Variants in GLP2R observed in about 807,000 individuals in gnomAD.
GLP2R encodes the protein glucagon-like peptide 2 receptor.
In GLP2R, 59 loss-of-function variants were observed where a neutral mutation model predicts 68.2. The observed-to-expected ratio is 0.87, with a 90% confidence interval of 0.70 to 1.07. The LOEUF is 1.07. Among genes scored for constraint, GLP2R ranks in the 50% least tolerant of loss-of-function variants. The pLI is 0.00. For missense variants in GLP2R, 548 were observed against 677.4 expected, an observed-to-expected ratio of 0.81 and a Z score of 2.12; for synonymous variants, 270 against 265.4, an observed-to-expected ratio of 1.02 and a Z score of -0.17.
chr17:9,889,738 G>C lies in GLP2R; in HGVS notation c.*33G>C. ...TTCCACCACCCTGGCTCTGCTCCCA[G>C]GGACTCTTGAGGGGGCCCAGGAAGA... is the stretch of plus-strand genomic sequence containing the variant. On this transcript the variant is annotated 3_prime_UTR_variant, in exon 13 of 13. Transcript: ENST00000262441. The C allele has an allele frequency of 7.1e-7, 1 of 1,399,102 alleles. No individual in the cohort carries two copies. Among genetic ancestry groups the C allele is most frequent in the Non-Finnish European group, 9.7e-7 (1 of 1,034,188 alleles). The allele number at this position is 1,399,102 out of a possible 1,614,324, so 86.7% of individuals were successfully genotyped here.
intron 10 of GLP2R, among the ~76,000 whole-genome samples, chr17:9,878,216 G>A (rs1174401947): frequency 1.3e-5 from 2 of 152,210 alleles, no homozygotes; most frequent in African/African-American, 4.8e-5. Flanking sequence ...TTGCCCAGCT[G>A]TAACCAACGA....
intron 4 of GLP2R, 73 bp downstream of exon 4, chr17:9,842,689 G>T: frequency 6.5e-7 from 1 of 1,529,166 alleles, no homozygotes; most frequent in Non-Finnish European, 9.0e-7. Flanking sequence ...CCAGTGGCCT[G>T]CTGGCTCCAG....
intron 9 of GLP2R, chr17:9,866,020 C>G (rs749002506): frequency 2.3e-6 from 1 of 427,142 alleles, no homozygotes; most frequent in Non-Finnish European, 4.8e-6. Flanking sequence ...ACCTGCTGCC[C>G]TCCCAATCTG....
At chr17:9,836,262 C>T (rs2152031196) in intron 2 of GLP2R, 109 bp from the exon 3 acceptor site, 2 of 743,282 alleles carry the variant, frequency 2.7e-6, no homozygotes, top group East Asian at 2.5e-5. Context: ...GCACAGGTTA[C>T]ACCAGCTTCC....
At chr17:9,859,521 G>A (rs776490433) in intron 6 of GLP2R, among the ~76,000 whole-genome samples, 11 of 151,836 alleles carry the variant, frequency 7.2e-5, no homozygotes, top group African/African-American at 9.7e-5. Flanking sequence ...GGCCGGGCAC[G>A]GTGGCTAACA....
intron 10 of GLP2R, among the ~76,000 whole-genome samples, chr17:9,876,088 G>A (rs1026700961): frequency 6.6e-6 from 1 of 152,120 alleles, no homozygotes; most frequent in African/African-American, 2.4e-5. Context: ...TGTTGGTCAG[G>A]CTGGTCTCCA....
intron 3 of GLP2R, among the ~76,000 whole-genome samples, chr17:9,841,099 C>T (rs914259592): frequency 3.5e-5 from 5 of 142,412 alleles, no homozygotes; most frequent in African/African-American, 1.3e-4. Context: ...TCACTGCAAC[C>T]TCTGCCTCCC....
intron 2 of GLP2R, 88 bp from the exon 3 acceptor site, chr17:9,836,283 A>C: frequency 3.6e-6 from 3 of 841,028 alleles, no homozygotes; most frequent in African/African-American, 1.7e-5. Context: ...AGTGCCAGGA[A>C]GGTGGGCTCC....
intron 3 of GLP2R, among the ~76,000 whole-genome samples, chr17:9,839,878 A>G (rs2066769212): frequency 6.6e-6 from 1 of 151,994 alleles, no homozygotes; most frequent in Non-Finnish European, 1.5e-5. Flanking sequence ...TCCTCTGCCT[A>G]TAAAGCCCCT....
chr17:9,829,324 A>AT (rs11379790), intron 1 of GLP2R, among the ~76,000 whole-genome samples: 7,164 of 143,530 alleles, frequency 0.05, 347 homozygotes, highest in African/African-American at 0.13. Flanking sequence ...AAAATTTTTA[A>AT]TTTTTTTTTT....
chr17:9,852,740 T>C (rs8078504), intron 4 of GLP2R: 44,765 of 251,742 alleles, frequency 0.18, 5,522 homozygotes, highest in African/African-American at 0.36. Context: ...CTGGAGTGTT[T>C]CATAGATTTC....
intron 3 of GLP2R, among the ~76,000 whole-genome samples, chr17:9,837,001 C>T (rs543804848): frequency 6.6e-6 from 1 of 152,110 alleles, no homozygotes; most frequent in East Asian, 1.9e-4. Flanking sequence ...AGGCACCCAC[C>T]CCCACCACAC....
At position 9,860,076 on chromosome 17, in the gene GLP2R, G is replaced by A; in HGVS notation, c.900G>A (p.Trp300Ter). Residue 300 changes from tryptophan (W) to a stop codon, truncating the protein, a stop_gained, in exon 7 of 13, where the codon TGG (tryptophan) becomes TGA (stop). Coordinates refer to ENST00000262441, the MANE Select transcript of GLP2R (RefSeq NM_004246.3). LOFTEE classifies it high-confidence loss of function. ...CAGTGCTTCCTGAGAGGCGGCTGTGGCCCAGATACCTGCTGTTGGGTTGGG... is the reference window on the plus strand; with the variant it reads ...CAGTGCTTCCTGAGAGGCGGCTGTGACCCAGATACCTGCTGTTGGGTTGGG... ...EPTVLPERRLWPRYLLLGWAF... is the reference protein window; with the variant it reads ...EPTVLPERRL 3 of 1,609,910 alleles carry A rather than the reference G, an allele frequency of 1.9e-6. No individual in the cohort carries two copies. The highest frequency in any genetic ancestry group is 2.5e-6 in the Non-Finnish European group (3 of 1,177,864).
At position 9,889,668 on chromosome 17, in the gene GLP2R, A is replaced by G; in HGVS notation, c.1625A>G (p.Asn542Ser). Reference sequence around the variant, plus strand: ...AGTGAGGGGGATGTCACCATGGCCAACACCATGGAGGAGATTCTGGAAGAG... The same window carrying G: ...AGTGAGGGGGATGTCACCATGGCCAGCACCATGGAGGAGATTCTGGAAGAG... Reference protein sequence around the residue: ...ECSEGDVTMANTMEEILEESE... With the variant: ...ECSEGDVTMASTMEEILEESE... The change falls in exon 13 of 13, where the codon AAC becomes AGC. Residue 542 changes from asparagine (N) to serine (S), a missense_variant. Transcript: ENST00000262441. 2.5e-6 allele frequency: 4 copies of G among 1,600,522 alleles called. No individual in the cohort carries two copies. The highest frequency in any genetic ancestry group is 3.4e-6 in the Non-Finnish European group (4 of 1,171,590).
chr17:9,890,722 A>C lies in GLP2R; in HGVS notation c.*1017A>C, dbSNP rs2067283840. 1 of 152,238 alleles carries C rather than the reference A, an allele frequency of 6.6e-6. No homozygotes were observed. The highest frequency in any genetic ancestry group is 1.5e-5 in the Non-Finnish European group (1 of 68,070). The allele number at this position is 152,238 out of a possible 1,614,324, so 9.4% of individuals were successfully genotyped here. A position where few individuals can be genotyped will look rare whatever the true frequency, so the allele number is the denominator to read the frequency against. The stretch of plus-strand genomic sequence containing the variant: ...CATGGCCAGAGTCCCTGCTGATCAG[A>C]ATTCAATTTGCCCAGTGGGAATAAA... On this transcript the variant is annotated 3_prime_UTR_variant, in exon 13 of 13. Transcript: ENST00000262441.
intron 5 of GLP2R, among the ~76,000 whole-genome samples, chr17:9,856,394 C>T (rs112011601): frequency 3.3e-5 from 5 of 152,306 alleles, no homozygotes; most frequent in African/African-American, 1.2e-4. Flanking sequence ...TCCTAAGACA[C>T]AAGAACCTGC....
intron 5 of GLP2R, among the ~76,000 whole-genome samples, chr17:9,856,609 G>T (rs1257711569): frequency 3.9e-5 from 6 of 152,134 alleles, no homozygotes; most frequent in African/African-American, 1.4e-4. Context: ...TTACTTATGT[G>T]CACAGATTAA....
At chr17:9,846,565 G>A (rs1208906592) in intron 4 of GLP2R, among the ~76,000 whole-genome samples, 2 of 152,184 alleles carry the variant, frequency 1.3e-5, no homozygotes, top group Non-Finnish European at 2.9e-5. Flanking sequence ...ACTGTAATGA[G>A]CTACGATTGT....
intron 10 of GLP2R, among the ~76,000 whole-genome samples, chr17:9,879,850 C>T (rs970502528): frequency 1.3e-5 from 2 of 152,128 alleles, no homozygotes; most frequent in African/African-American, 2.4e-5. Context: ...GTCTGCAGGT[C>T]GGAACTGCAG....
Sources: allele counts gnomAD v4.1 joint callset (sites outside exome capture counted in the v4.1 genomes callset), GRCh38; gene constraint gnomAD v4.1.1; transcripts MANE v1.5; gene names NCBI Gene and HGNC (gene_info 2026-07-23, HGNC 2026-07-21).